The following ASIC2 variants were observed in gnomAD, a reference collection of about 807,000 sequenced individuals.
ASIC2 encodes the protein acid sensing ion channel subunit 2.
Under a neutral mutation model 57.3 loss-of-function variants are expected in ASIC2, and 25 were observed. The observed-to-expected ratio is 0.44, with a 90% CI of 0.32 to 0.61. The LOEUF is 0.61. Among genes scored for constraint, ASIC2 ranks in the 20% least tolerant of loss-of-function variants. The probability of loss-of-function intolerance (pLI) is 0.06; values close to 1 mark genes in which losing one functional copy is unlikely to be tolerated. For missense variants in ASIC2, 641 were observed against 738.1 expected (o/e 0.87, Z 1.52); for synonymous variants, 319 against 307.5 (o/e 1.04, Z -0.39).
At chr17:33,382,011 T>C (rs764516906) in intron 1 of ASIC2, among the ~76,000 whole-genome samples, 1 of 152,112 alleles carries the variant, frequency 6.6e-6, no homozygotes, top group Non-Finnish European at 1.5e-5. Flanking sequence ...GCCCCTCAGT[T>C]CTTTGTTGTA....
chr17:34,019,787 T>C (rs147610370), intron 1 of ASIC2, among the ~76,000 whole-genome samples: 170 of 152,316 alleles, frequency 1.1e-3, no homozygotes, highest in African/African-American at 4.0e-3. Flanking sequence ...CTCCAAAGTA[T>C]GACTGTATTT....
intron 1 of ASIC2, among the ~76,000 whole-genome samples, chr17:34,154,880 C>G (rs892051144): frequency 6.6e-6 from 1 of 152,102 alleles, no homozygotes; most frequent in East Asian, 1.9e-4. Flanking sequence ...CCCCTGATAC[C>G]CAGACGTGCC....
intron 1 of ASIC2, among the ~76,000 whole-genome samples, chr17:33,918,917 G>C (rs1240043436): frequency 6.6e-6 from 1 of 152,178 alleles, no homozygotes; most frequent in Non-Finnish European, 1.5e-5. Flanking sequence ...CACTGGTGCT[G>C]AGTTAGCCTA....
chr17:33,984,562 C>T lies in ASIC2; in HGVS notation c.555+171416G>A, dbSNP rs1034821770. On this transcript the variant is annotated intron_variant, in intron 1 of 9. Transcript: ENST00000359872. ...AAGAGGAAATTTCCCAGGATTTTCT[C>T]ATGTAGTCCTCACAACCACCCGACG... Among the ~76,000 whole-genome samples, 3 of 152,224 alleles carry T rather than the reference C, an allele frequency of 2.0e-5. No individual in the cohort carries two copies. In the East Asian group the frequency reaches 5.8e-4, roughly 29 times the overall value.
rs551919344 is a variant in ASIC2, at chr17:33,391,651, C to T, written c.556-279584G>A. On this transcript the variant is annotated intron_variant, in intron 1 of 9. Transcript: ENST00000359872. Reference sequence around the variant, plus strand: ...CTCAATTCCCCCAATATCTAAGTGCCTTGACCTTGAGTTGCACTCAATTCC... The same window carrying T: ...CTCAATTCCCCCAATATCTAAGTGCTTTGACCTTGAGTTGCACTCAATTCC... Among the ~76,000 whole-genome samples the T allele has an allele frequency of 2.6e-5, 4 of 152,338 alleles. No homozygotes were observed. In the South Asian group the frequency reaches 8.3e-4, roughly 32 times the overall value.
intron 1 of ASIC2, among the ~76,000 whole-genome samples, chr17:33,511,549 C>T (rs1914430949): frequency 6.6e-6 from 1 of 152,164 alleles, no homozygotes; most frequent in South Asian, 2.1e-4. Flanking sequence ...TAAAGCCCAT[C>T]AAAACCAACC....
At chr17:34,041,581 A>G (rs1908134572) in intron 1 of ASIC2, among the ~76,000 whole-genome samples, 1 of 152,188 alleles carries the variant, frequency 6.6e-6, no homozygotes, top group Non-Finnish European at 1.5e-5. Flanking sequence ...TCACTTGTGG[A>G]TATTAACTCC....
chr17:33,378,276 G>A (rs970568098), intron 1 of ASIC2, among the ~76,000 whole-genome samples: 4 of 152,234 alleles, frequency 2.6e-5, no homozygotes, highest in Non-Finnish European at 5.9e-5. Context: ...TTCTCTGCTA[G>A]CTAAACATTG....
At chr17:33,297,835 TA>T, upstream of ASIC2, among the ~76,000 whole-genome samples, 1 of 139,258 alleles carries the variant, frequency 7.2e-6, no homozygotes, top group Middle Eastern at 3.5e-3. Context: ...AATAAATAAA[TA>T]AATAAATAAA....
intron 1 of ASIC2, among the ~76,000 whole-genome samples, chr17:33,196,659 G>T (rs192385633): frequency 6.6e-6 from 1 of 152,342 alleles, no homozygotes; most frequent in East Asian, 1.9e-4. Flanking sequence ...TGTTGGTGGT[G>T]GCAGTGCCTC....
chr17:33,616,537 CA>C (rs1905610285), intron 1 of ASIC2, among the ~76,000 whole-genome samples: 1 of 152,218 alleles, frequency 6.6e-6, no homozygotes. Flanking sequence ...TTCTTGTAGA[CA>C]AATCCATATT....
In ASIC2 at chr17:33,357,668, C is replaced by G. The variant is rs114136958; in HGVS notation, c.556-245601G>C. Among the ~76,000 whole-genome samples, 1,405 of 152,250 alleles carry G rather than the reference C, an allele frequency of 9.2e-3. 25 individuals are homozygous for G. Among genetic ancestry groups the G allele is most frequent in the African/African-American group, 0.032 (1,337 of 41,538 alleles). The stretch of plus-strand genomic sequence containing the variant: ...TCTCCCACATGTATTACTCCTGATG[C>G]TCGATGGAATGTCAAATTCCAGGGT... On this transcript the variant is annotated intron_variant, in intron 1 of 9. Coordinates refer to the ASIC2 transcript ENST00000359872.
At chr17:33,060,725 C>T (rs967425988) in intron 3 of ASIC2, among the ~76,000 whole-genome samples, 2 of 151,942 alleles carry the variant, frequency 1.3e-5, no homozygotes, top group African/African-American at 4.8e-5. Flanking sequence ...GATGGGGGTG[C>T]CATTGAATCT....
At chr17:33,567,401 T>C (rs966728574) in intron 1 of ASIC2, among the ~76,000 whole-genome samples, 7 of 152,198 alleles carry the variant, frequency 4.6e-5, no homozygotes, top group African/African-American at 1.7e-4. Context: ...ATAGCCTCAC[T>C]GGGCCACTGC....
intron 3 of ASIC2, among the ~76,000 whole-genome samples, chr17:33,032,472 A>T (rs2091888304): frequency 1.0e-5 from 1 of 97,200 alleles, no homozygotes; most frequent in Non-Finnish European, 2.0e-5. Flanking sequence ...TTTTTGAGAC[A>T]AAGTCTCACT....
At chr17:33,405,393 G>C (rs566084405) in intron 1 of ASIC2, among the ~76,000 whole-genome samples, 421 of 151,980 alleles carry the variant, frequency 2.8e-3, no homozygotes, top group Non-Finnish European at 5.0e-3. Context: ...TCTGGCATTT[G>C]TGACCTCACT....
chr17:33,130,655 G>A lies in ASIC2; in HGVS notation c.709-18588C>T, dbSNP rs76158049. On this transcript the variant is annotated intron_variant, in intron 1 of 9. Coordinates refer to ENST00000225823, the MANE Select transcript of ASIC2 (RefSeq NM_183377.2). ...TATTGTCAAGAGCAGGGGACTAAGC[G>A]GATAACCTTGGCCTGGATCCTCACT... Among the ~76,000 whole-genome samples, 26 of 152,282 alleles carry A rather than the reference G, an allele frequency of 1.7e-4. No individual in the cohort carries two copies. The East Asian group carries it at 4.6e-3, about 27-fold the overall frequency.
intron 1 of ASIC2, among the ~76,000 whole-genome samples, chr17:33,399,269 G>A (rs1031286772): frequency 2.0e-5 from 3 of 152,134 alleles, no homozygotes; most frequent in African/African-American, 7.2e-5. Context: ...GGCATTACAA[G>A]GAATATGTTC....
chr17:33,965,417 A>C (rs1434514779), intron 1 of ASIC2, among the ~76,000 whole-genome samples: 1 of 152,216 alleles, frequency 6.6e-6, no homozygotes, highest in Non-Finnish European at 1.5e-5. Flanking sequence ...CCTATCAAAA[A>C]GGTAAGCCAG....
Sources: allele counts gnomAD v4.1 joint callset (sites outside exome capture counted in the v4.1 genomes callset), GRCh38; gene constraint gnomAD v4.1.1; transcripts MANE v1.5; gene names NCBI Gene and HGNC (gene_info 2026-07-23, HGNC 2026-07-21).